HPD: variants seen among roughly 807,000 people sequenced by gnomAD.
The protein encoded by HPD is 4-hydroxyphenylpyruvic acid oxidase.
In HPD, 35 loss-of-function variants were observed where a neutral mutation model predicts 56.9. The observed-to-expected ratio is 0.62, with a 90% CI of 0.47 to 0.82. The LOEUF is 0.82. Ranked by LOEUF, HPD falls within the 40% of genes least tolerant of loss-of-function variation. HPD has a pLI of 0.00. For missense variants in HPD, 442 were observed against 506.8 expected, an observed-to-expected ratio of 0.87 and a Z score of 1.23; for synonymous variants, 186 against 200.2, an observed-to-expected ratio of 0.93 and a Z score of 0.60.
upstream of HPD, among the ~76,000 whole-genome samples, chr12:121,864,073 C>CAAAAAAAAAAAAAAA (rs748278452): frequency 1.4e-5 from 1 of 71,346 alleles, no homozygotes; most frequent in African/African-American, 5.6e-5. Context: ...ACTAAAAATA[C>CAAAAAAAAAAAAAAA]AAAAAAAAAA....
chr12:121,859,270 G>A, upstream of HPD: 1 of 275,606 alleles, frequency 3.6e-6, no homozygotes, highest in Admixed American at 4.8e-5. Context: ...CCATAGCTCT[G>A]AGAGGCACGG....
At position 121,843,861 on chromosome 12, in the gene HPD, T is replaced by G. The variant is rs1281042863; in HGVS notation, c.832-29A>C. 1.9e-6 allele frequency: 3 copies of G among 1,613,914 alleles called. No individual in the cohort carries two copies. The Admixed American group carries it at 5.0e-5, about 27-fold the overall frequency. On this transcript the variant is annotated intron_variant, in intron 11 of 13. Transcript: ENST00000289004. ...TTTCAGAGCAAAGCTGAGGTCAGCCTTCGGCCTCCAAGTTCAACTCCCCTA... is the reference window on the plus strand; with the variant it reads ...TTTCAGAGCAAAGCTGAGGTCAGCCGTCGGCCTCCAAGTTCAACTCCCCTA...
At position 121,856,592 on chromosome 12, in the gene HPD, A is replaced by G. The variant is rs1381403271; in HGVS notation, c.232T>C (p.Trp78Arg). The G allele has an allele frequency of 6.2e-7, 1 of 1,613,864 alleles. No homozygotes were observed. The highest frequency in any genetic ancestry group is 2.2e-5 in the East Asian group (1 of 44,882). Residue 78 changes from tryptophan (W) to arginine (R), a missense_variant, in exon 5 of 14, where the codon TGG becomes CGG. Transcript: ENST00000289004. ...VFVLSSALNP[W>R]NKEMGDHLVK... Reference sequence around the variant, plus strand: ...TCCCCGGGCACCTCACCTTTGTTCCAGGGGTTGAGCGCTGAGGAGAGGACA... The same window carrying G: ...TCCCCGGGCACCTCACCTTTGTTCCGGGGGTTGAGCGCTGAGGAGAGGACA...
At chr12:121,873,187 C>T in the HPD span, among the ~76,000 whole-genome samples, 1 of 152,190 alleles carries the variant, frequency 6.6e-6, no homozygotes, top group Non-Finnish European at 1.5e-5. Flanking sequence ...AAACTCTCTG[C>T]AGACATTGCA....
intron 6 of HPD, among the ~76,000 whole-genome samples, chr12:121,855,636 G>T (rs1164947841): frequency 2.6e-5 from 4 of 151,968 alleles, no homozygotes; most frequent in Admixed American, 2.6e-4. Flanking sequence ...AGAATCGCTT[G>T]AACCCAGGAG....
the HPD span, among the ~76,000 whole-genome samples, chr12:121,878,265 A>G: frequency 6.6e-6 from 1 of 152,234 alleles, no homozygotes; most frequent in Admixed American, 6.6e-5. Context: ...AGATGAGTAT[A>G]CATGGAGAAG....
chr12:121,880,573 C>G, the HPD span, among the ~76,000 whole-genome samples: 1 of 152,160 alleles, frequency 6.6e-6, no homozygotes, highest in African/African-American at 2.4e-5. Flanking sequence ...GGATGGTGAT[C>G]TAGCTCATTT....
chr12:121,848,680 C>T (rs1054086969), intron 9 of HPD, among the ~76,000 whole-genome samples: 5 of 151,950 alleles, frequency 3.3e-5, no homozygotes, highest in African/African-American at 9.7e-5. Flanking sequence ...CTCACTCTGT[C>T]GCCCAACCTC....
rs558582274 is a variant in HPD, at chr12:121,839,631, G to A, written c.*97C>T. On this transcript the variant is annotated 3_prime_UTR_variant, in exon 14 of 14. Transcript: ENST00000289004. ...CCTTGGGGGCCGAGTCCGCTGGTGG[G>A]CGGGACCCAAGGGGAGCAGCCAGTA... The A allele has an allele frequency of 8.8e-6, 8 of 912,090 alleles. No homozygotes were observed. In the African/African-American group the frequency reaches 1.3e-4, roughly 15 times the overall value. The allele number at this position is 912,090 out of a possible 1,614,324, so 56.5% of individuals were successfully genotyped here. A position where few individuals can be genotyped will look rare whatever the true frequency, so the allele number is the denominator to read the frequency against.
intron 12 of HPD, among the ~76,000 whole-genome samples, chr12:121,842,192 T>C (rs1315890295): frequency 1.3e-5 from 2 of 152,076 alleles, no homozygotes; most frequent in Admixed American, 1.3e-4. Context: ...AGCCTGATCA[T>C]GGCTCACTGC....
the HPD span, among the ~76,000 whole-genome samples, chr12:121,881,290 G>A: frequency 1.3e-5 from 2 of 152,114 alleles, no homozygotes; most frequent in African/African-American, 2.4e-5. Flanking sequence ...GGCAACTGTG[G>A]TGGATATTCC....
At chr12:121,862,536 A>G (rs1878203340), upstream of HPD, among the ~76,000 whole-genome samples, 1 of 136,838 alleles carries the variant, frequency 7.3e-6, no homozygotes, top group Admixed American at 7.7e-5. Flanking sequence ...ACCTCAGGTG[A>G]TCTGCCCACC....
At chr12:121,858,745 G>C (rs1878096831) in intron 1 of HPD, 32 bp from the exon 2 acceptor site, 1 of 1,614,124 alleles carries the variant, frequency 6.2e-7, no homozygotes, top group African/African-American at 1.3e-5. Context: ...GTGAGACTTG[G>C]AGGTTCCAAC....
At chr12:121,851,381 C>G (rs1877765212) in intron 7 of HPD, among the ~76,000 whole-genome samples, 1 of 150,172 alleles carries the variant, frequency 6.7e-6, no homozygotes, top group African/African-American at 2.5e-5. Flanking sequence ...GAGTCTCGCT[C>G]TGTCGCCCAG....
At chr12:121,885,685 A>G in the HPD span, among the ~76,000 whole-genome samples, 1 of 150,724 alleles carries the variant, frequency 6.6e-6, no homozygotes, top group Non-Finnish European at 1.5e-5. Context: ...AAATTTGGCC[A>G]GGTGCGGTGG....
intron 7 of HPD, among the ~76,000 whole-genome samples, chr12:121,852,633 T>G (rs1275595623): frequency 7.6e-6 from 1 of 131,140 alleles, no homozygotes; most frequent in Non-Finnish European, 1.6e-5. Context: ...TTTTTTTTTT[T>G]TTTTTTTTTT....
At chr12:121,859,806 G>C (rs1204896524), upstream of HPD, among the ~76,000 whole-genome samples, 1 of 152,228 alleles carries the variant, frequency 6.6e-6, no homozygotes, top group Non-Finnish European at 1.5e-5. Flanking sequence ...CCCTTATTCT[G>C]CCTGTCCTGG....
At chr12:121,872,271 G>A in the HPD span, among the ~76,000 whole-genome samples, 1 of 143,636 alleles carries the variant, frequency 7.0e-6, no homozygotes, top group Non-Finnish European at 1.5e-5. Flanking sequence ...TTGCTCTGTC[G>A]CCCAGGCTGG....
chr12:121,844,445 G>C lies in HPD; in HGVS notation c.832-613C>G, dbSNP rs182102190. On this transcript the variant is annotated intron_variant, in intron 11 of 13. Coordinates refer to ENST00000289004, the MANE Select transcript of HPD (RefSeq NM_002150.3). ...TTCATAGCTGGGGAAACTGAGGCATGAAACGATTAAGGATCTATTAGGCCG... is the reference window on the plus strand; with the variant it reads ...TTCATAGCTGGGGAAACTGAGGCATCAAACGATTAAGGATCTATTAGGCCG... 5.8e-3 allele frequency among the ~76,000 whole-genome samples: 875 copies of C among 151,794 alleles called. 4 individuals carry two copies. Among genetic ancestry groups the C allele is most frequent in the African/African-American group, 0.02 (825 of 41,460 alleles).
Sources: gnomAD v4.1 joint callset for allele counts (sites outside exome capture counted in the v4.1 genomes callset) on GRCh38, gnomAD v4.1.1 for gene constraint, MANE v1.5 for transcripts, NCBI Gene and HGNC (gene_info 2026-07-23, HGNC 2026-07-21) for gene names.